NPAS3: variants seen among roughly 807,000 people sequenced by gnomAD.
NPAS3 encodes the protein neuronal PAS domain-containing protein 3.
Under a neutral mutation model 73.1 loss-of-function variants are expected in NPAS3, and 14 were observed. The observed-to-expected ratio is 0.19, with a 90% confidence interval of 0.13 to 0.30. The LOEUF is 0.30. Among genes scored for constraint, NPAS3 ranks in the 10% least tolerant of loss-of-function variants. The pLI is 1.00. For synonymous variants in NPAS3, 620 were observed against 541.5 expected (o/e 1.14, Z -2.01); for missense variants, 1,096 against 1,250.0 (o/e 0.88, Z 1.86).
At chr14:33,607,752 A>T (rs1567049657) in intron 5 of NPAS3, among the ~76,000 whole-genome samples, 1 of 152,190 alleles carries the variant, frequency 6.6e-6, no homozygotes, top group Non-Finnish European at 1.5e-5. Context: ...GAGACTGGTA[A>T]TTTATAAAGG....
At chr14:33,707,625 T>G (rs2060693135) in intron 6 of NPAS3, among the ~76,000 whole-genome samples, 1 of 152,192 alleles carries the variant, frequency 6.6e-6, no homozygotes, top group South Asian at 2.1e-4. Flanking sequence ...TGGAAAAGTA[T>G]GCTTTAAAAG....
intron 1 of NPAS3, among the ~76,000 whole-genome samples, chr14:32,995,885 G>A (rs201012858): frequency 2.0e-5 from 3 of 152,178 alleles, no homozygotes; most frequent in Admixed American, 1.3e-4. Context: ...GTGGGGTGTT[G>A]CTGAAAAGAT....
At chr14:33,435,575 AT>A (rs558112199) in intron 4 of NPAS3, among the ~76,000 whole-genome samples, 228 of 152,152 alleles carry the variant, frequency 1.5e-3, no homozygotes, top group South Asian at 3.5e-3. Flanking sequence ...AGAATACTTG[AT>A]TTTTTTTAAC....
In NPAS3 at chr14:33,179,430, G is replaced by A. The variant is rs529568210; in HGVS notation, c.141-35752G>A. The stretch of plus-strand genomic sequence containing the variant: ...TTAAGGAGTTTCTACTAGGTGTTAG[G>A]TGATGGGCTAAGTGTTTTTACTATG... On this transcript the variant is annotated intron_variant, in intron 2 of 11. Transcript: ENST00000356141. Among the ~76,000 whole-genome samples, 19 of 152,272 alleles carry A rather than the reference G, an allele frequency of 1.2e-4. No individual in the cohort carries two copies. In the South Asian group the frequency reaches 3.7e-3, roughly 30 times the overall value.
chr14:33,273,752 TA>T (rs2041206084), intron 3 of NPAS3, among the ~76,000 whole-genome samples: 1 of 152,178 alleles, frequency 6.6e-6, no homozygotes, highest in Non-Finnish European at 1.5e-5. Flanking sequence ...CCCTAGATTG[TA>T]ACTACCTGAA....
chr14:33,140,305 G>T (rs529602462), intron 2 of NPAS3, among the ~76,000 whole-genome samples: 1 of 152,276 alleles, frequency 6.6e-6, no homozygotes, highest in South Asian at 2.1e-4. Context: ...TTGCACTCTT[G>T]TTGACAGAAA....
rs533913558 is a variant in NPAS3, at chr14:33,728,779, C to T, written c.734-6435C>T. ...AATTCTGGGAGAAATCAGGCCAACC[C>T]CCCTTTAACTACCAAACCCACTGGC... On this transcript the variant is annotated intron_variant, in intron 6 of 11. Coordinates refer to ENST00000356141, the Ensembl canonical transcript of NPAS3. 7.2e-5 allele frequency among the ~76,000 whole-genome samples: 11 copies of T among 152,260 alleles called. No individual in the cohort carries two copies. The South Asian group carries it at 2.3e-3, about 32-fold the overall frequency.
intron 3 of NPAS3, among the ~76,000 whole-genome samples, chr14:33,335,915 C>A (rs556166382): frequency 8.5e-5 from 13 of 152,180 alleles, no homozygotes; most frequent in Admixed American, 3.9e-4. Context: ...ATGTAGAAAT[C>A]TTTGTGTGAA....
upstream of NPAS3, among the ~76,000 whole-genome samples, chr14:32,937,338 G>A (rs2035728086): frequency 6.6e-6 from 1 of 152,252 alleles, no homozygotes; most frequent in South Asian, 2.1e-4. Context: ...GGAGTCCGCC[G>A]CGGGAGTGAC....
intron 3 of NPAS3, among the ~76,000 whole-genome samples, chr14:33,282,519 G>A (rs181466362): frequency 3.9e-5 from 6 of 152,294 alleles, no homozygotes; most frequent in South Asian, 4.1e-4. Flanking sequence ...GACACTGTGC[G>A]TTGATCCCTG....
intron 7 of NPAS3, among the ~76,000 whole-genome samples, chr14:33,768,226 C>T: frequency 6.6e-6 from 1 of 152,136 alleles, no homozygotes; most frequent in East Asian, 1.9e-4. Context: ...AAAATATGAG[C>T]TTTAGCATTT....
intron 4 of NPAS3, among the ~76,000 whole-genome samples, chr14:33,415,983 CAACTT>C (rs2048128211): frequency 6.6e-6 from 1 of 151,870 alleles, no homozygotes; most frequent in African/African-American, 2.4e-5. Context: ...GTATAATATC[CAACTT>C]AATTTAAGCT....
chr14:33,194,943 C>A (rs1039311927), intron 2 of NPAS3, among the ~76,000 whole-genome samples: 1 of 152,122 alleles, frequency 6.6e-6, no homozygotes, highest in African/African-American at 2.4e-5. Context: ...ATCAGCTTTG[C>A]AAACTAAAAA....
chr14:33,052,749 G>GGGT (rs1357460058), intron 1 of NPAS3, among the ~76,000 whole-genome samples: 2 of 152,134 alleles, frequency 1.3e-5, no homozygotes, highest in East Asian at 3.9e-4. Flanking sequence ...AGGCACAAGA[G>GGGT]GGTGAGTCCA....
chr14:33,567,023 C>T lies in NPAS3; in HGVS notation c.558+6813C>T, dbSNP rs148305841. Among the ~76,000 whole-genome samples the T allele has an allele frequency of 6.7e-4, 102 of 152,268 alleles. 1 individual carries two copies. The East Asian group carries it at 0.014, about 21-fold the overall frequency. ...TTTTCTTCCACAGGGTAATAATCGA[C>T]AATTTTTTTACGCCTAGAATTTTTC... On this transcript the variant is annotated intron_variant, in intron 5 of 11. Coordinates refer to ENST00000356141, the Ensembl canonical transcript of NPAS3.
At chr14:32,953,695 A>G (rs1028235885) in intron 1 of NPAS3, among the ~76,000 whole-genome samples, 3 of 152,168 alleles carry the variant, frequency 2.0e-5, no homozygotes, top group Non-Finnish European at 2.9e-5. Context: ...CATTAACAGT[A>G]GTCAGAATAT....
chr14:33,602,583 C>A (rs2057433787), intron 5 of NPAS3, among the ~76,000 whole-genome samples: 1 of 152,206 alleles, frequency 6.6e-6, no homozygotes, highest in Admixed American at 6.5e-5. Flanking sequence ...CCCACACCCA[C>A]TGTTGAAGCT....
chr14:33,002,731 G>A (rs377238022), intron 1 of NPAS3, among the ~76,000 whole-genome samples: 2 of 152,326 alleles, frequency 1.3e-5, no homozygotes, highest in African/African-American at 4.8e-5. Flanking sequence ...AATTGGGAAT[G>A]AATGATGATT....
chr14:33,565,416 T>G (rs1355824249), intron 5 of NPAS3, among the ~76,000 whole-genome samples: 1 of 152,252 alleles, frequency 6.6e-6, no homozygotes, highest in Non-Finnish European at 1.5e-5. Flanking sequence ...AAGAATTAGA[T>G]TCCCCTGATA....
Sources: gnomAD v4.1 joint callset for allele counts (sites outside exome capture counted in the v4.1 genomes callset) on GRCh38, gnomAD v4.1.1 for gene constraint, MANE v1.5 for transcripts, NCBI Gene and HGNC (gene_info 2026-07-23, HGNC 2026-07-21) for gene names.